The following DOCK8 variants were observed in gnomAD, a reference collection of about 807,000 sequenced individuals.
DOCK8 encodes dedicator of cytokinesis 8, also known as dedicator of cytokinesis protein 8.
In DOCK8, 141 loss-of-function variants were observed where a neutral mutation model predicts 245.6. The observed-to-expected ratio is 0.57, with a 90% CI of 0.50 to 0.66. DOCK8 has a LOEUF of 0.66. Ranked by LOEUF, DOCK8 falls within the 30% of genes least tolerant of loss-of-function variation. The probability of loss-of-function intolerance (pLI) is 0.00; values close to 1 mark genes in which losing one functional copy is unlikely to be tolerated. For missense variants in DOCK8, 2,965 were observed against 2,603.4 expected, an observed-to-expected ratio of 1.14 and a Z score of -3.02; for synonymous variants, 1,168 against 970.2, an observed-to-expected ratio of 1.20 and a Z score of -3.79.
chr9:298,898 TAAA>T (rs531586561), intron 4 of DOCK8, among the ~76,000 whole-genome samples: 2 of 139,114 alleles, frequency 1.4e-5, no homozygotes, highest in Non-Finnish European at 1.6e-5. Flanking sequence ...TACAAGTCCT[TAAA>T]AAAAAAAAAA....
intron 1 of DOCK8, among the ~76,000 whole-genome samples, chr9:261,744 G>C (rs1351977832): frequency 6.6e-6 from 1 of 152,016 alleles, no homozygotes; most frequent in African/African-American, 2.4e-5. Context: ...TACTTTTGCA[G>C]TTCTTGCTTT....
intron 24 of DOCK8, among the ~76,000 whole-genome samples, chr9:395,791 A>G (rs1487082601): frequency 1.3e-5 from 2 of 152,144 alleles, no homozygotes; most frequent in East Asian, 1.9e-4. Flanking sequence ...TTGATTTAAA[A>G]TTGTGGTAGG....
intron 1 of DOCK8, among the ~76,000 whole-genome samples, chr9:226,768 A>G (rs1302733357): frequency 1.3e-5 from 2 of 152,210 alleles, no homozygotes; most frequent in Non-Finnish European, 2.9e-5. Context: ...CATGTTAGAC[A>G]TTCAAGTAGA....
At chr9:298,062 A>G (rs1378498869) in intron 4 of DOCK8, among the ~76,000 whole-genome samples, 1 of 152,256 alleles carries the variant, frequency 6.6e-6, no homozygotes, top group Non-Finnish European at 1.5e-5. Flanking sequence ...TCATTTGTGT[A>G]CAATAGCCAA....
intron 11 of DOCK8, among the ~76,000 whole-genome samples, chr9:334,984 G>C (rs2051241594): frequency 6.6e-6 from 1 of 152,158 alleles, no homozygotes. Flanking sequence ...TCGGGAGGCA[G>C]AGGCAGGAGA....
At chr9:382,815 T>G in intron 22 of DOCK8, 130 bp downstream of exon 22, 1 of 1,198,878 alleles carries the variant, frequency 8.3e-7, no homozygotes, top group Non-Finnish European at 1.2e-6. Context: ...ATGCTCAGCT[T>G]TGGAGTGATT....
At chr9:272,464 C>T (rs1328342579) in intron 2 of DOCK8, among the ~76,000 whole-genome samples, 9 of 152,132 alleles carry the variant, frequency 5.9e-5, no homozygotes, top group Non-Finnish European at 1.0e-4. Context: ...CTCACTGCAA[C>T]CTCAACCTCC....
chr9:281,699 T>G (rs1022768029), intron 2 of DOCK8, among the ~76,000 whole-genome samples: 6 of 152,104 alleles, frequency 3.9e-5, no homozygotes, highest in African/African-American at 1.4e-4. Flanking sequence ...ACTCTTGAGA[T>G]TAAGACTCCT....
chr9:310,764 G>A (rs2050072326), intron 5 of DOCK8, among the ~76,000 whole-genome samples: 1 of 152,156 alleles, frequency 6.6e-6, no homozygotes, highest in Non-Finnish European at 1.5e-5. Flanking sequence ...TTTAAAAATA[G>A]TACATTATTA....
intron 23 of DOCK8, among the ~76,000 whole-genome samples, chr9:387,844 C>G (rs566352368): frequency 1.3e-5 from 2 of 152,322 alleles, no homozygotes; most frequent in East Asian, 1.9e-4. Context: ...TGCCTACAGC[C>G]TGACTTCTTT....
At chr9:215,216 C>G in intron 1 of DOCK8, 187 bp downstream of exon 1, 3 of 1,541,732 alleles carry the variant, frequency 1.9e-6, no homozygotes, top group Non-Finnish European at 2.6e-6. Context: ...GCGGCTCCTG[C>G]GCTGGGCCCG....
intron 4 of DOCK8, among the ~76,000 whole-genome samples, chr9:302,569 C>G (rs1190147384): frequency 6.6e-6 from 1 of 152,126 alleles, no homozygotes; most frequent in East Asian, 1.9e-4. Context: ...TGATAACCAA[C>G]TGAATAGGAG....
chr9:306,090 A>G (rs2049814321), intron 5 of DOCK8, among the ~76,000 whole-genome samples: 2 of 152,216 alleles, frequency 1.3e-5, no homozygotes, highest in Non-Finnish European at 2.9e-5. Flanking sequence ...TGAGAAAAAT[A>G]AAATTGAGAA....
At chr9:294,348 ATTC>A (rs916261186) in intron 4 of DOCK8, among the ~76,000 whole-genome samples, 2 of 152,212 alleles carry the variant, frequency 1.3e-5, no homozygotes, top group Admixed American at 6.5e-5. Flanking sequence ...GTACTGCCAA[ATTC>A]TTCTCCAGAA....
intron 14 of DOCK8, among the ~76,000 whole-genome samples, chr9:358,270 G>A (rs1045812213): frequency 2.0e-5 from 3 of 151,914 alleles, no homozygotes; most frequent in African/African-American, 4.8e-5. Flanking sequence ...AAATTCTGTT[G>A]TACAGATGGG....
At chr9:335,997 GGGC>G (rs1163977503) in intron 11 of DOCK8, among the ~76,000 whole-genome samples, 2 of 152,126 alleles carry the variant, frequency 1.3e-5, no homozygotes, top group African/African-American at 4.8e-5. Flanking sequence ...AGAAACAACT[GGGC>G]AAACTATCAG....
At chr9:307,354 T>TG (rs1563903507) in intron 5 of DOCK8, among the ~76,000 whole-genome samples, 14 of 86,196 alleles carry the variant, frequency 1.6e-4, no homozygotes, top group African/African-American at 5.3e-4. Flanking sequence ...TTTTTTTTTT[T>TG]TTTTTTTTTT....
At position 232,761 on chromosome 9, in the gene DOCK8, ACTGCGT is replaced by A. The variant is rs1227633240; in HGVS notation, c.53+17736_53+17741del. Reference sequence around the variant, plus strand: ...GGTGATATCCCCTTTATCATTTTTTACTGCGTCTGTTTGATTCTTCTCTCTTTTCTT... The same window carrying A: ...GGTGATATCCCCTTTATCATTTTTTACTGTTTGATTCTTCTCTCTTTTCTT... On this transcript the variant is annotated intron_variant, in intron 1 of 47. Transcript: ENST00000432829. 5.7e-3 allele frequency among the ~76,000 whole-genome samples: 865 copies of A among 152,160 alleles called. 7 individuals are homozygous for A. Among genetic ancestry groups the A allele is most frequent in the African/African-American group, 0.019 (803 of 41,502 alleles).
In DOCK8 at chr9:422,141, T is replaced by A; in HGVS notation, c.4241+6T>A. On this transcript the variant is annotated splice_donor_region_variant and intron_variant, in intron 33 of 47. Coordinates refer to ENST00000432829, the MANE Select transcript of DOCK8 (RefSeq NM_203447.4). ...GCTAATGAGAAGCTAGATAAGTGAG[T>A]CACTCGGCAACTTTCTGCTACTTTT... is the stretch of plus-strand genomic sequence containing the variant. 6.2e-7 allele frequency: 1 copy of A among 1,613,556 alleles called. No homozygotes were observed. The highest frequency in any genetic ancestry group is 8.5e-7 in the Non-Finnish European group (1 of 1,179,594).
Sources: allele counts gnomAD v4.1 joint callset (sites outside exome capture counted in the v4.1 genomes callset), GRCh38; gene constraint gnomAD v4.1.1; transcripts MANE v1.5; gene names NCBI Gene and HGNC (gene_info 2026-07-23, HGNC 2026-07-21).